RYR3: variants seen among roughly 807,000 people sequenced by gnomAD.
The protein encoded by RYR3 is ryanodine receptor 3, also known as brain ryanodine receptor-calcium release channel.
A neutral mutation model predicts 584.3 loss-of-function variants in RYR3; 207 were observed. The observed-to-expected ratio is 0.35, with a 90% CI of 0.32 to 0.40. The LOEUF (loss-of-function observed/expected upper bound fraction) is 0.40, where lower values mean the gene tolerates loss of function less well. Ranked by LOEUF, RYR3 falls within the 10% of genes least tolerant of loss-of-function variation. The pLI is 1.00. For synonymous variants in RYR3, 2,416 were observed against 2,248.5 expected, an observed-to-expected ratio of 1.07 and a Z score of -2.11; for missense variants, 5,616 against 6,089.2, an observed-to-expected ratio of 0.92 and a Z score of 2.59.
chr15:33,471,205 GC>G (rs1169227327), intron 1 of RYR3, among the ~76,000 whole-genome samples: 2 of 152,214 alleles, frequency 1.3e-5, no homozygotes, highest in African/African-American at 4.8e-5. Context: ...AGCCAGGTCA[GC>G]ATGGTTGAGC....
intron 17 of RYR3, 92 bp downstream of exon 17, chr15:33,601,644 T>G: frequency 7.1e-7 from 1 of 1,406,646 alleles, no homozygotes; most frequent in South Asian, 1.2e-5. Flanking sequence ...ACTCCAAAGT[T>G]GCCCACCCAT....
intron 45 of RYR3, among the ~76,000 whole-genome samples, chr15:33,724,803 A>G (rs1046224597): frequency 5.9e-5 from 9 of 152,124 alleles, no homozygotes; most frequent in Non-Finnish European, 1.3e-4. Context: ...AGCAACTCTA[A>G]ATCTTGATAA....
chr15:33,548,754 T>A (rs1338105937), intron 9 of RYR3, among the ~76,000 whole-genome samples: 3 of 152,162 alleles, frequency 2.0e-5, no homozygotes, highest in Non-Finnish European at 4.4e-5. Flanking sequence ...TTGAATAACC[T>A]CAGGTGGTCG....
intron 3 of RYR3, among the ~76,000 whole-genome samples, chr15:33,515,381 C>T (rs1245830808): frequency 2.0e-5 from 3 of 152,206 alleles, no homozygotes; most frequent in Admixed American, 6.5e-5. Flanking sequence ...ATACACAAAT[C>T]CATGCTTTAT....
chr15:33,387,106 C>G (rs571804111), intron 1 of RYR3, among the ~76,000 whole-genome samples: 1 of 152,298 alleles, frequency 6.6e-6, no homozygotes, highest in African/African-American at 2.4e-5. Flanking sequence ...ATCCACCTGC[C>G]TCAGCCTCCC....
rs538559841 is a variant in RYR3, at chr15:33,640,081, G to A, written c.3556+3531G>A. ...TGCTGCCTCTTGCTACAGCTTTGGTGTCTGCAGGAGCAGCCTGCCAGGCTG... is the reference window on the plus strand; with the variant it reads ...TGCTGCCTCTTGCTACAGCTTTGGTATCTGCAGGAGCAGCCTGCCAGGCTG... On this transcript the variant is annotated intron_variant, in intron 27 of 103. Transcript: ENST00000634891. Among the ~76,000 whole-genome samples, 15 of 152,308 alleles carry A rather than the reference G, an allele frequency of 9.8e-5. 1 individual carries two copies. The South Asian group carries it at 3.1e-3, about 32-fold the overall frequency.
intron 14 of RYR3, among the ~76,000 whole-genome samples, chr15:33,582,927 G>A (rs1211528771): frequency 6.6e-6 from 1 of 152,174 alleles, no homozygotes; most frequent in Non-Finnish European, 1.5e-5. Flanking sequence ...ACTTGGGGGC[G>A]AATCAATTTA....
chr15:33,706,881 A>G, intron 42 of RYR3, 38 bp from the exon 43 acceptor site: 1 of 1,555,448 alleles, frequency 6.4e-7, no homozygotes, highest in Non-Finnish European at 8.7e-7. Flanking sequence ...AGCCATCCTA[A>G]TGCGTGCGAA....
rs545777922 is a variant in RYR3, at chr15:33,514,315, C to T, written c.279+10577C>T. On this transcript the variant is annotated intron_variant, in intron 3 of 103. Transcript: ENST00000634891. Reference sequence around the variant, plus strand: ...GCTGGAGGCTTGGTGCTCCAGACCCCGTTTCTCTGCTGCTCATCTGCCTTG... The same window carrying T: ...GCTGGAGGCTTGGTGCTCCAGACCCTGTTTCTCTGCTGCTCATCTGCCTTG... Among the ~76,000 whole-genome samples the T allele has an allele frequency of 1.3e-4, 20 of 152,254 alleles. No homozygotes were observed. In the South Asian group the frequency reaches 3.3e-3, roughly 25 times the overall value.
At position 33,837,844 on chromosome 15, in the gene RYR3, C is replaced by T. The variant is rs369246005; in HGVS notation, c.11864C>T (p.Thr3955Met). ...GCCATGGAAGGGCAAAAACAGTACA[C>T]GCAGTCAGAGATTGACTTTCTCCTG... ...QKAMEGQKQY[T>M]QSEIDFLLSC... The change falls in exon 89 of 104, where the codon ACG (threonine) becomes ATG (methionine). Residue 3955 changes from threonine to methionine, a missense_variant. Thr to Met is a moderately conservative substitution (Grantham distance 81). Transcript: ENST00000634891. 5.1e-5 allele frequency: 83 copies of T among 1,613,866 alleles called. No homozygotes were observed. Among genetic ancestry groups the T allele is most frequent in the Admixed American group, 2.2e-4 (13 of 60,000 alleles).
At chr15:33,816,673 A>G (rs1169713699) in intron 74 of RYR3, among the ~76,000 whole-genome samples, 189 bp from the exon 75 acceptor site, 1 of 152,198 alleles carries the variant, frequency 6.6e-6, no homozygotes, top group Non-Finnish European at 1.5e-5. Context: ...TCTAATATTC[A>G]AGACTCGTCA....
chr15:33,655,914 A>T (rs2062801598), intron 32 of RYR3, among the ~76,000 whole-genome samples: 1 of 152,234 alleles, frequency 6.6e-6, no homozygotes, highest in Admixed American at 6.5e-5. Flanking sequence ...TTCAGAAAGG[A>T]CTAGAAACCA....
intron 1 of RYR3, among the ~76,000 whole-genome samples, chr15:33,449,197 G>A (rs1003027484): frequency 1.3e-5 from 2 of 152,182 alleles, no homozygotes; most frequent in Admixed American, 1.3e-4. Context: ...GTCAGTGCGG[G>A]CTGTGGTCAC....
intron 2 of RYR3, among the ~76,000 whole-genome samples, chr15:33,497,445 A>C (rs2142625779): frequency 6.6e-6 from 1 of 152,212 alleles, no homozygotes; most frequent in East Asian, 1.9e-4. Flanking sequence ...TAACTTCTCA[A>C]GATTTTAAAA....
intron 1 of RYR3, among the ~76,000 whole-genome samples, chr15:33,428,733 T>C (rs2044865105): frequency 6.6e-6 from 1 of 152,192 alleles, no homozygotes; most frequent in Non-Finnish European, 1.5e-5. Context: ...GGATTTTTTT[T>C]TCCGTGACTT....
chr15:33,830,949 T>G lies in RYR3; in HGVS notation c.11335-14T>G, dbSNP rs62016699. On this transcript the variant is annotated splice_polypyrimidine_tract_variant and intron_variant, in intron 85 of 103. Transcript: ENST00000634891. The stretch of plus-strand genomic sequence containing the variant: ...AAGTCTGAGAAATACTAAGCTCTAC[T>G]CATTTGTTTTTAGGAATCAATCAGT... 5 of 1,612,160 alleles carry G rather than the reference T, an allele frequency of 3.1e-6. No individual in the cohort carries two copies. The highest frequency in any genetic ancestry group is 4.2e-6 in the Non-Finnish European group (5 of 1,179,198).
At chr15:33,797,873 C>A (rs1438348175) in intron 67 of RYR3, among the ~76,000 whole-genome samples, 1 of 152,126 alleles carries the variant, frequency 6.6e-6, no homozygotes, top group Non-Finnish European at 1.5e-5. Flanking sequence ...TGACATTTGA[C>A]CCTGAAAAAT....
chr15:33,472,658 T>C (rs557568850), intron 1 of RYR3, among the ~76,000 whole-genome samples: 1 of 151,846 alleles, frequency 6.6e-6, no homozygotes, highest in Non-Finnish European at 1.5e-5. Flanking sequence ...TCAGGGAGGG[T>C]TGTGCAAGAA....
intron 85 of RYR3, 65 bp downstream of exon 85, chr15:33,827,352 C>T: frequency 7.0e-7 from 1 of 1,436,074 alleles, no homozygotes; most frequent in Non-Finnish European, 9.6e-7. Context: ...AACACAGTTA[C>T]ACAGGGTCAG....
Sources: gnomAD v4.1 joint callset for allele counts (sites outside exome capture counted in the v4.1 genomes callset) on GRCh38, gnomAD v4.1.1 for gene constraint, MANE v1.5 for transcripts, NCBI Gene and HGNC (gene_info 2026-07-23, HGNC 2026-07-21) for gene names.